Variants in FGD5 observed in about 807,000 individuals in gnomAD.
FGD5 encodes the protein FYVE, RhoGEF and PH domain-containing protein 5.
In FGD5, 28 loss-of-function variants were observed where a neutral mutation model predicts 133.4. That is an observed-to-expected ratio of 0.21 (90% CI 0.16 to 0.29). The LOEUF is 0.29. FGD5 is among the 10% of genes least tolerant of loss of function. The pLI, the probability that FGD5 is intolerant of heterozygous loss-of-function variation, is 1.00. For synonymous variants in FGD5, 810 were observed against 776.5 expected, an observed-to-expected ratio of 1.04 and a Z score of -0.72; for missense variants, 1,858 against 1,895.2, an observed-to-expected ratio of 0.98 and a Z score of 0.36.
chr3:14,905,758 C>A (rs1343857863), intron 9 of FGD5, among the ~76,000 whole-genome samples: 1 of 152,112 alleles, frequency 6.6e-6, no homozygotes, highest in East Asian at 1.9e-4. Flanking sequence ...TGTGTCCCTT[C>A]TCACTGTGGT....
chr3:14,840,296 C>T (rs2036897046), intron 1 of FGD5, among the ~76,000 whole-genome samples: 1 of 152,124 alleles, frequency 6.6e-6, no homozygotes, highest in African/African-American at 2.4e-5. Flanking sequence ...AGGCGTGTGC[C>T]ACCACGCCAG....
intron 1 of FGD5, among the ~76,000 whole-genome samples, chr3:14,836,371 G>A (rs1367716597): frequency 6.6e-6 from 1 of 152,222 alleles, no homozygotes; most frequent in Non-Finnish European, 1.5e-5. Context: ...GTTCAGAGCT[G>A]CAGAGTGAGT....
At chr3:14,885,438 G>A (rs532485378) in intron 4 of FGD5, among the ~76,000 whole-genome samples, 1 of 152,164 alleles carries the variant, frequency 6.6e-6, no homozygotes, top group Non-Finnish European at 1.5e-5. Flanking sequence ...GCAGTCGTGA[G>A]TTTGCCCACA....
At chr3:14,810,826 C>T (rs2036280627), upstream of FGD5, 3 of 984,698 alleles carry the variant, frequency 3.0e-6, no homozygotes, top group South Asian at 4.7e-5. Context: ...GAAACGCCGA[C>T]GGCGGCCCGG....
At chr3:14,892,854 T>C (rs550748465) in intron 4 of FGD5, among the ~76,000 whole-genome samples, 14 of 151,036 alleles carry the variant, frequency 9.3e-5, no homozygotes, top group Admixed American at 8.6e-4. Context: ...GAAAGAAAAC[T>C]GTCTAGTAGC....
intron 4 of FGD5, among the ~76,000 whole-genome samples, chr3:14,895,655 G>A (rs1373553382): frequency 6.6e-6 from 1 of 151,904 alleles, no homozygotes; most frequent in Non-Finnish European, 1.5e-5. Context: ...TTTACTGCAG[G>A]CTTGACTTCC....
At chr3:14,875,049 G>C (rs764964174) in intron 2 of FGD5, among the ~76,000 whole-genome samples, 1 of 152,190 alleles carries the variant, frequency 6.6e-6, no homozygotes, top group African/African-American at 2.4e-5. Context: ...TTTTCCAGCA[G>C]CTGTTGAAGG....
Position 14,820,356 on chromosome 3 carries a change from C to T in FGD5, c.1285C>T (p.Pro429Ser), listed in dbSNP as rs1216368878. The T allele has an allele frequency of 2.5e-6, 4 of 1,613,326 alleles. No individual in the cohort carries two copies. Among genetic ancestry groups the T allele is most frequent in the Non-Finnish European group, 3.4e-6 (4 of 1,179,598 alleles). Residue 429 changes from proline (P) to serine (S), a missense_variant, in exon 1 of 20, where the codon CCC becomes TCC. Pro to Ser is a moderately conservative substitution (Grantham distance 74, BLOSUM62 -1). Transcript: ENST00000285046. ...GGCCTTGGATGATGCACTGGCCAAC[C>T]CCTATGTGATGGGAGTGGGCCTGCC... is the stretch of plus-strand genomic sequence containing the variant. ...EEALDDALAN[P>S]YVMGVGLPGQ...
At chr3:14,864,744 G>C (rs1309330481) in intron 2 of FGD5, among the ~76,000 whole-genome samples, 2 of 152,202 alleles carry the variant, frequency 1.3e-5, no homozygotes, top group East Asian at 1.9e-4. Context: ...GCTGGAGGGA[G>C]GTTGCTGTCT....
chr3:14,817,416 G>A (rs905864675), upstream of FGD5, among the ~76,000 whole-genome samples: 33 of 152,210 alleles, frequency 2.2e-4, 1 homozygote, highest in Middle Eastern at 0.014. Flanking sequence ...GGCTGGTCTC[G>A]AACTCCTGAC....
chr3:14,892,406 G>A (rs535637534), intron 4 of FGD5, among the ~76,000 whole-genome samples: 1 of 152,124 alleles, frequency 6.6e-6, no homozygotes, highest in East Asian at 1.9e-4. Flanking sequence ...TGTTGCCCAG[G>A]CTGGTCTCCA....
intron 11 of FGD5, among the ~76,000 whole-genome samples, chr3:14,911,534 C>T (rs896876152): frequency 6.6e-6 from 1 of 151,954 alleles, no homozygotes; most frequent in Non-Finnish European, 1.5e-5. Context: ...TTGTTCCTGT[C>T]CGCCATGGCT....
chr3:14,869,244 A>G (rs956400047), intron 2 of FGD5, among the ~76,000 whole-genome samples: 5 of 152,134 alleles, frequency 3.3e-5, no homozygotes, highest in Non-Finnish European at 7.3e-5. Flanking sequence ...CAGTGAGCCA[A>G]GATCGAGCCA....
At chr3:14,837,504 C>G (rs1455494061) in intron 1 of FGD5, among the ~76,000 whole-genome samples, 1 of 152,138 alleles carries the variant, frequency 6.6e-6, no homozygotes, top group Non-Finnish European at 1.5e-5. Flanking sequence ...GGCTGGAGGA[C>G]TAGCCTTCTC....
In FGD5 at chr3:14,864,136, C is replaced by A; in HGVS notation, c.2534C>A (p.Thr845Lys). ...CCCCTGCTTTGACCCAGCGCCTACA[C>A]AGAGCCCTACAAAGTCTGTCCCATC... ...SADQDAESAY[T>K]EPYKVCPISS... is the part of the protein sequence containing the mutation. The change falls in exon 2 of 20, where the codon ACA becomes AAA. Residue 845 changes from threonine (T) to lysine (K), a missense_variant. Transcript: ENST00000285046. 3.1e-6 allele frequency: 5 copies of A among 1,613,732 alleles called. No individual in the cohort carries two copies. The highest frequency in any genetic ancestry group is 2.5e-6 in the Non-Finnish European group (3 of 1,179,670).
upstream of FGD5, chr3:14,810,803 C>G (rs1167321885): frequency 1.2e-5 from 12 of 984,274 alleles, no homozygotes; most frequent in Non-Finnish European, 1.4e-5. Context: ...GCACTGGGAC[C>G]CGCGGACGGA....
At chr3:14,874,403 C>T (rs2037675712) in intron 2 of FGD5, among the ~76,000 whole-genome samples, 1 of 152,122 alleles carries the variant, frequency 6.6e-6, no homozygotes, top group East Asian at 1.9e-4. Context: ...TGCCTGTGGT[C>T]CCAGCTACTC....
chr3:14,885,451 C>T (rs993865729), intron 4 of FGD5, among the ~76,000 whole-genome samples: 5 of 152,164 alleles, frequency 3.3e-5, no homozygotes, highest in African/African-American at 1.2e-4. Flanking sequence ...TGCCCACATC[C>T]TGCATTCATG....
At chr3:14,849,189 C>G (rs944501807) in intron 1 of FGD5, among the ~76,000 whole-genome samples, 5 of 152,146 alleles carry the variant, frequency 3.3e-5, no homozygotes, top group African/African-American at 4.8e-5. Flanking sequence ...CTCTGCGTCC[C>G]CCATCCAGGC....
Sources: allele counts gnomAD v4.1 joint callset (sites outside exome capture counted in the v4.1 genomes callset), GRCh38; gene constraint gnomAD v4.1.1; transcripts MANE v1.5; gene names NCBI Gene and HGNC (gene_info 2026-07-23, HGNC 2026-07-21).